The following USP42 variants were observed in gnomAD, a reference collection of about 807,000 sequenced individuals.
USP42 encodes ubiquitin carboxyl-terminal hydrolase 42.
In USP42, 23 loss-of-function variants were observed where a neutral mutation model predicts 113.0. That is an observed-to-expected ratio of 0.20 (90% confidence interval 0.15 to 0.29). The LOEUF (loss-of-function observed/expected upper bound fraction) is 0.29, where lower values mean the gene tolerates loss of function less well. USP42 is among the 10% of genes least tolerant of loss of function. USP42 has a pLI of 1.00. For synonymous variants in USP42, 933 were observed against 699.0 expected (o/e 1.33, Z -5.28); for missense variants, 2,174 against 1,779.8 (o/e 1.22, Z -3.99).
intron 3 of USP42, among the ~76,000 whole-genome samples, chr7:6,121,766 G>A (rs891303382): frequency 1.3e-5 from 2 of 152,168 alleles, no homozygotes; most frequent in Non-Finnish European, 2.9e-5. Flanking sequence ...CTGGGCTCAA[G>A]CAGTGCTCCC....
rs554051685 is a variant in USP42 at position 6,154,598 on chromosome 7, G to C, written c.3044G>C (p.Gly1015Ala). The C allele has an allele frequency of 6.3e-7, 1 of 1,582,458 alleles. No individual in the cohort carries two copies. The highest frequency in any genetic ancestry group is 1.2e-5 in the South Asian group (1 of 86,486). ...RLSPGERRSLGRCSHHHSRHR... is the reference protein window; with the variant it reads ...RLSPGERRSLARCSHHHSRHR... ...AGCCCTGGCGAGCGCCGCTCTCTGG[G>C]CAGGTGCAGTCACCACCACTCCCGA... The change falls in exon 15 of 18, where the codon GGC (glycine) becomes GCC (alanine). Residue 1015 changes from glycine to alanine, a missense_variant. Transcript: ENST00000306177.
At chr7:6,137,763 T>TC (rs1377792776) in intron 4 of USP42, among the ~76,000 whole-genome samples, 1 of 152,186 alleles carries the variant, frequency 6.6e-6, no homozygotes, top group African/African-American at 2.4e-5. Flanking sequence ...CACTGCAACC[T>TC]CCGCCTCTCG....
chr7:6,156,988 T>C lies in USP42; in HGVS notation c.3876T>C (p.Arg1292=). 6.2e-7 allele frequency: 1 copy of C among 1,613,602 alleles called. No homozygotes were observed. Among genetic ancestry groups the C allele is most frequent in the South Asian group, 1.1e-5 (1 of 91,014 alleles). Residue 1292 remains arginine (R), a synonymous_variant, in exon 16 of 18, where the codon CGT becomes CGC. Transcript: ENST00000306177. ...GPPLEGVGPF[R]EKTKHLRMES... ...CTCTGGAAGGCGTCGGACCTTTCCG[T>C]GAGAAAACGAAACACTTACGGATGG...
intron 3 of USP42, among the ~76,000 whole-genome samples, chr7:6,125,528 A>G (rs77960304): frequency 2.0e-5 from 3 of 152,326 alleles, no homozygotes; most frequent in East Asian, 1.9e-4. Context: ...CTCGTGAAGT[A>G]TAAGAACATT....
intron 3 of USP42, among the ~76,000 whole-genome samples, chr7:6,133,226 C>G (rs1181625315): frequency 6.6e-6 from 1 of 152,158 alleles, no homozygotes; most frequent in Non-Finnish European, 1.5e-5. Flanking sequence ...GAAACCATGC[C>G]TCTTCCCAAA....
the USP42 span, among the ~76,000 whole-genome samples, chr7:6,088,299 A>T: frequency 1.3e-5 from 2 of 150,768 alleles, no homozygotes; most frequent in Non-Finnish European, 2.9e-5. Flanking sequence ...CTGTCACCCT[A>T]GGCTGGACTG....
chr7:6,154,464 G>A lies in USP42; in HGVS notation c.2910G>A (p.Arg970=). ...GCGGGGAGCCCGCCAGAGAGAGCAG[G>A]AGCAAGACTGAGGGCCACCGTCACC... ...SSSGEPARES[R]SKTEGHRHRR... The change falls in exon 15 of 18, where the codon AGG becomes AGA. Residue 970 remains arginine, a synonymous_variant. Coordinates refer to ENST00000306177, the MANE Select transcript of USP42 (RefSeq NM_032172.3). The A allele has an allele frequency of 1.3e-6, 2 of 1,560,836 alleles. No homozygotes were observed. Among genetic ancestry groups the A allele is most frequent in the Non-Finnish European group, 1.7e-6 (2 of 1,153,884 alleles).
chr7:6,112,838 G>T (rs1162297615), intron 2 of USP42, among the ~76,000 whole-genome samples: 1 of 151,548 alleles, frequency 6.6e-6, no homozygotes, highest in Non-Finnish European at 1.5e-5. Flanking sequence ...CCAAAAGATT[G>T]GACACCCCCT....
chr7:6,081,260 G>A, the USP42 span: 1 of 152,170 alleles, frequency 6.6e-6, no homozygotes, highest in African/African-American at 2.4e-5. Context: ...AGCGTTCAGC[G>A]GCTAACGGAG....
chr7:6,103,796 G>A (rs181915520), upstream of USP42, among the ~76,000 whole-genome samples: 288 of 150,000 alleles, frequency 1.9e-3, 15 homozygotes, highest in African/African-American at 6.8e-3. Context: ...GCTCACGCCT[G>A]TAATCCCAAC....
chr7:6,153,694 G>C, intron 14 of USP42, 62 bp from the exon 15 acceptor site: 2 of 1,400,712 alleles, frequency 1.4e-6, no homozygotes, highest in South Asian at 3.4e-5. Context: ...TCCTTGTAAT[G>C]CAATGACATG....
chr7:6,105,203 C>T (rs1270710347), intron 1 of USP42, among the ~76,000 whole-genome samples, 171 bp downstream of exon 1: 1 of 145,484 alleles, frequency 6.9e-6, no homozygotes, highest in African/African-American at 2.5e-5. Flanking sequence ...GCCCGGGACC[C>T]CGCCGCTCTG....
At chr7:6,127,156 C>G (rs1457426731) in intron 3 of USP42, among the ~76,000 whole-genome samples, 1 of 152,126 alleles carries the variant, frequency 6.6e-6, no homozygotes, top group African/African-American at 2.4e-5. Context: ...CTGTATCTTT[C>G]CCTCATTTTC....
At position 6,147,838 on chromosome 7, in the gene USP42, C is replaced by A; in HGVS notation, c.1332C>A (p.Asn444Lys). 4 of 1,613,528 alleles carry A rather than the reference C, an allele frequency of 2.5e-6. No homozygotes were observed. Among genetic ancestry groups the A allele is most frequent in the Non-Finnish European group, 3.4e-6 (4 of 1,179,674 alleles). The part of the protein sequence containing the change: ...RPVISQRVVT[N>K]KQAAPGFIGP... ...TCATCAGTCAGCGGGTTGTCACCAA[C>A]AAACAGGCTGCGCCAGGCTTTATCG... Residue 444 changes from asparagine to lysine, a missense_variant, in exon 12 of 18, where the codon AAC becomes AAA. By Grantham distance (94) the Asn-to-Lys change is moderately conservative (BLOSUM62 0). Transcript: ENST00000306177.
At position 6,157,231 on chromosome 7, in the gene USP42, G is replaced by A. The variant is rs943593078; in HGVS notation, c.3943+176G>A. The stretch of plus-strand genomic sequence containing the variant: ...GTGCTCATCCCTGCAGTGTGGTTCC[G>A]TTGCACAGTTAAGCCCTTAGCGTTT... On this transcript the variant is annotated intron_variant, in intron 16 of 17. Transcript: ENST00000306177. This position sits in a 1 kb window ranked among gnomAD's most constrained non-coding sequence, Gnocchi z 4.1. 68 of 1,401,780 alleles carry A rather than the reference G, an allele frequency of 4.9e-5. No individual in the cohort carries two copies. Among genetic ancestry groups the A allele is most frequent in the East Asian group, 1.6e-4 (6 of 37,280 alleles). The allele number at this position is 1,401,780 out of a possible 1,614,324, so 86.8% of individuals were successfully genotyped here. A position where few individuals can be genotyped will look rare whatever the true frequency, so the allele number is the denominator to read the frequency against.
the USP42 span, among the ~76,000 whole-genome samples, chr7:6,091,602 C>T: frequency 6.7e-6 from 1 of 150,028 alleles, no homozygotes; most frequent in African/African-American, 2.5e-5. Context: ...TTCTCATTCT[C>T]ACCCCCATAT....
the USP42 span, among the ~76,000 whole-genome samples, chr7:6,096,788 T>A: frequency 6.6e-6 from 1 of 151,250 alleles, no homozygotes. Flanking sequence ...GCCATTGCCT[T>A]GGATCCCTGC....
chr7:6,140,073 G>T, intron 5 of USP42, 55 bp from the exon 6 acceptor site: 1 of 1,484,342 alleles, frequency 6.7e-7, no homozygotes, highest in Non-Finnish European at 9.4e-7. Flanking sequence ...TCTGGTCACA[G>T]CATCTGGAGT....
In USP42 at chr7:6,156,811, CAAA is replaced by C; in HGVS notation, c.3705_3707del (p.Lys1241del). On this transcript the variant is annotated inframe_deletion, in exon 16 of 18. Transcript: ENST00000306177. Reference sequence around the variant, plus strand: ...GCTCTGACGCTGACCTCCACAGACACAAAAAAAAGAAGAAGAAAAAGAAGAGAC... The same window carrying C: ...GCTCTGACGCTGACCTCCACAGACACAAAAAGAAGAAGAAAAAGAAGAGAC... 6.2e-7 allele frequency: 1 copy of C among 1,603,930 alleles called. No homozygotes were observed. The highest frequency in any genetic ancestry group is 8.5e-7 in the Non-Finnish European group (1 of 1,176,640).
Sources: gnomAD v4.1 joint callset for allele counts (sites outside exome capture counted in the v4.1 genomes callset) on GRCh38, gnomAD v4.1.1 for gene constraint, Gnocchi (gnomAD v3.1) non-coding constraint, MANE v1.5 for transcripts, NCBI Gene and HGNC (gene_info 2026-07-23, HGNC 2026-07-21) for gene names.